Variants in ACTR2 observed in about 807,000 individuals in gnomAD.
The protein encoded by ACTR2 is actin-related protein 2.
A neutral mutation model predicts 50.2 loss-of-function variants in ACTR2; 5 were observed. That is an observed-to-expected ratio of 0.10 (90% confidence interval 0.05 to 0.21). The LOEUF is 0.21. ACTR2 is among the 10% of genes least tolerant of loss of function. ACTR2 has a pLI of 1.00. For synonymous variants in ACTR2, 140 were observed against 162.9 expected (o/e 0.86, Z 1.07); for missense variants, 180 against 480.6 (o/e 0.37, Z 5.85).
chr2:65,266,413 G>C (rs1672373251), intron 8 of ACTR2, among the ~76,000 whole-genome samples: 1 of 152,150 alleles, frequency 6.6e-6, no homozygotes, highest in African/African-American at 2.4e-5. Context: ...AGGTTGGTGG[G>C]AGTGTGCCAG....
intron 5 of ACTR2, among the ~76,000 whole-genome samples, chr2:65,254,603 C>T (rs1672113668): frequency 1.3e-5 from 2 of 152,168 alleles, no homozygotes; most frequent in African/African-American, 4.8e-5. Flanking sequence ...GTGCTGTCCT[C>T]TGGGGGATAT....
intron 2 of ACTR2, 30 bp from the exon 3 acceptor site, chr2:65,246,492 CTT>C: frequency 6.9e-7 from 1 of 1,456,516 alleles, no homozygotes. Context: ...TTATGCAAAA[CTT>C]TGATCTACAG....
chr2:65,250,947 C>A, intron 3 of ACTR2, 80 bp from the exon 4 acceptor site: 1 of 974,372 alleles, frequency 1.0e-6, no homozygotes. Flanking sequence ...AATTAATTCA[C>A]TCTGTGACCA....
chr2:65,264,149 T>C (rs1672330486), intron 7 of ACTR2, among the ~76,000 whole-genome samples: 1 of 152,232 alleles, frequency 6.6e-6, no homozygotes, highest in African/African-American at 2.4e-5. Flanking sequence ...TCCACAGAGT[T>C]TGCATTGCAA....
intron 3 of ACTR2, among the ~76,000 whole-genome samples, chr2:65,247,606 A>G (rs987183423): frequency 6.6e-5 from 10 of 152,262 alleles, no homozygotes; most frequent in African/African-American, 1.9e-4. Flanking sequence ...ATAAAAAATC[A>G]TAAGAGAAAA....
chr2:65,230,685 A>T (rs945732495), intron 1 of ACTR2, among the ~76,000 whole-genome samples: 3 of 152,062 alleles, frequency 2.0e-5, no homozygotes, highest in African/African-American at 7.2e-5. Flanking sequence ...TGCTAGGATT[A>T]CAGGCTTGAG....
At chr2:65,251,852 A>C (rs370219292) in intron 4 of ACTR2, among the ~76,000 whole-genome samples, 228 of 152,138 alleles carry the variant, frequency 1.5e-3, no homozygotes, top group Non-Finnish European at 2.6e-3. Flanking sequence ...GACTACTTAT[A>C]TATTCTCTTG....
intron 8 of ACTR2, among the ~76,000 whole-genome samples, chr2:65,267,860 C>CCCTTTT (rs1558630919): frequency 1.6e-5 from 1 of 62,686 alleles, no homozygotes; most frequent in Non-Finnish European, 3.6e-5. Context: ...CATGCAAGTC[C>CCCTTTT]TCTTTTTTTT....
intron 1 of ACTR2, among the ~76,000 whole-genome samples, chr2:65,230,856 C>G (rs1671624474): frequency 6.6e-6 from 1 of 151,914 alleles, no homozygotes; most frequent in East Asian, 1.9e-4. Context: ...GAGTTTGAGA[C>G]CAGCATGGCC....
intron 7 of ACTR2, among the ~76,000 whole-genome samples, chr2:65,263,103 C>T (rs780314283): frequency 1.3e-5 from 2 of 151,476 alleles, no homozygotes; most frequent in Non-Finnish European, 2.9e-5. Flanking sequence ...TGCAGTGGTG[C>T]AGTCTCGGCT....
rs1199213988 is a variant in ACTR2 at position 65,269,625 on chromosome 2, G to A, written c.*891G>A. On this transcript the variant is annotated 3_prime_UTR_variant, in exon 9 of 9. Transcript: ENST00000260641. ...ACAGATTTAAAAGAGCTTAAGATCT[G>A]GTGTTTTGTTAATGCTTCTGTTTAT... 6.6e-6 allele frequency: 1 copy of A among 152,244 alleles called. No homozygotes were observed. The highest frequency in any genetic ancestry group is 1.9e-4 in the East Asian group (1 of 5,182). 9.4% of individuals were successfully genotyped at this position (152,244 alleles called of 1,614,324 possible).
intron 8 of ACTR2, among the ~76,000 whole-genome samples, chr2:65,268,004 T>TC (rs1433810154): frequency 1.4e-5 from 2 of 147,788 alleles, no homozygotes; most frequent in African/African-American, 4.9e-5. Context: ...GCCCGGCTAA[T>TC]TTTTTTGTAT....
chr2:65,236,740 C>T (rs1243285962), intron 1 of ACTR2, among the ~76,000 whole-genome samples: 1 of 152,076 alleles, frequency 6.6e-6, no homozygotes, highest in African/African-American at 2.4e-5. Context: ...ACCACCATAC[C>T]TGGCTAATTT....
chr2:65,268,374 TG>T (rs1231412473), intron 8 of ACTR2, among the ~76,000 whole-genome samples, 189 bp from the exon 9 acceptor site: 1 of 152,148 alleles, frequency 6.6e-6, no homozygotes, highest in African/African-American at 2.4e-5. Context: ...GATGGATGTG[TG>T]GTCTCCTAAA....
At chr2:65,234,338 T>C (rs1389549002) in intron 1 of ACTR2, among the ~76,000 whole-genome samples, 5 of 152,260 alleles carry the variant, frequency 3.3e-5, no homozygotes, top group Non-Finnish European at 7.3e-5. Context: ...CTGAGTTCTA[T>C]GGCAACATCT....
chr2:65,238,632 C>T (rs1181171919), intron 1 of ACTR2, among the ~76,000 whole-genome samples: 1 of 136,010 alleles, frequency 7.4e-6, no homozygotes, highest in Non-Finnish European at 1.5e-5. Flanking sequence ...GCACTCCACC[C>T]TGGGCGACAG....
At chr2:65,229,336 G>A (rs1268024753) in intron 1 of ACTR2, among the ~76,000 whole-genome samples, 1 of 152,302 alleles carries the variant, frequency 6.6e-6, no homozygotes, top group African/African-American at 2.4e-5. Flanking sequence ...TGTTGAGGGG[G>A]AAAAGAGCTG....
intron 2 of ACTR2, chr2:65,242,550 T>G: frequency 2.4e-6 from 1 of 418,252 alleles, no homozygotes; most frequent in South Asian, 1.8e-5. Flanking sequence ...AAAATTTTAA[T>G]ATGTAAATAA....
At chr2:65,229,684 A>G (rs1033345898) in intron 1 of ACTR2, among the ~76,000 whole-genome samples, 8 of 140,270 alleles carry the variant, frequency 5.7e-5, no homozygotes, top group Non-Finnish European at 1.2e-4. Context: ...TGAACCCGGT[A>G]GGCGGAGGTT....
Sources: gnomAD v4.1 joint callset for allele counts (sites outside exome capture counted in the v4.1 genomes callset) on GRCh38, gnomAD v4.1.1 for gene constraint, MANE v1.5 for transcripts, NCBI Gene and HGNC (gene_info 2026-07-23, HGNC 2026-07-21) for gene names.